The following TSC22D3 variants were observed in gnomAD, a reference collection of about 807,000 sequenced individuals.
TSC22D3 encodes TSC22 domain family protein 3.
In TSC22D3, 4 loss-of-function variants were observed where a neutral mutation model predicts 11.1. That is an observed-to-expected ratio of 0.36 (90% CI 0.18 to 0.83). The LOEUF is 0.83. TSC22D3 is among the 40% of genes least tolerant of loss of function. The pLI is 0.48. For synonymous variants in TSC22D3, 77 were observed against 70.3 expected (o/e 1.10, Z -0.48); for missense variants, 118 against 159.4 (o/e 0.74, Z 1.40).
chrX:107,772,343 G>A, intron 1 of TSC22D3, among the ~76,000 whole-genome samples: 2 of 111,676 alleles, frequency 1.8e-5, no homozygotes, highest in Middle Eastern at 4.6e-3. Flanking sequence ...TTGAATAGAA[G>A]TAAAAACGAT....
chrX:107,767,975 T>C (rs1929743979), intron 1 of TSC22D3, among the ~76,000 whole-genome samples: 1 of 112,459 alleles, frequency 8.9e-6, no homozygotes, highest in Admixed American at 9.4e-5. Context: ...AATGAACCCA[T>C]GTTTTAGTCT....
intron 1 of TSC22D3, among the ~76,000 whole-genome samples, chrX:107,742,509 C>T (rs1453236346): frequency 9.0e-6 from 1 of 111,124 alleles, no homozygotes; most frequent in East Asian, 2.9e-4. Context: ...CTCCTTTCAG[C>T]TCACTAATGC....
At chrX:107,756,757 C>T (rs575597039) in intron 1 of TSC22D3, among the ~76,000 whole-genome samples, 5 of 112,678 alleles carry the variant, frequency 4.4e-5, no homozygotes, top group Non-Finnish European at 7.5e-5. Flanking sequence ...CGAGCTATTT[C>T]CCTTGCCGAG....
intron 1 of TSC22D3, among the ~76,000 whole-genome samples, chrX:107,766,075 G>A (rs772461185): frequency 3.6e-5 from 4 of 112,442 alleles, no homozygotes; most frequent in East Asian, 5.6e-4. Context: ...GGCAACACAC[G>A]TGAGACAGGC....
chrX:107,720,049 T>C (rs1284676650), intron 1 of TSC22D3, among the ~76,000 whole-genome samples: 1 of 110,298 alleles, frequency 9.1e-6, no homozygotes, highest in African/African-American at 3.3e-5. Flanking sequence ...AAGTATGGAG[T>C]CTTGGCAGCA....
chrX:107,757,300 C>T (rs950559357), intron 1 of TSC22D3, among the ~76,000 whole-genome samples: 6 of 111,615 alleles, frequency 5.4e-5, no homozygotes, highest in South Asian at 3.8e-4. Flanking sequence ...CCCCACTCCC[C>T]GGTCTAATGT....
intron 1 of TSC22D3, among the ~76,000 whole-genome samples, chrX:107,718,075 AG>A (rs1399262236): frequency 8.9e-6 from 1 of 112,297 alleles, no homozygotes; most frequent in African/African-American, 3.2e-5. Flanking sequence ...GAGGTACTTC[AG>A]GAAAAACAGA....
intron 1 of TSC22D3, among the ~76,000 whole-genome samples, chrX:107,721,608 G>A (rs73525025): frequency 0.073 from 8,195 of 111,992 alleles, 714 homozygotes; most frequent in African/African-American, 0.25. Context: ...CCACCCAAAG[G>A]TTCGGCAATG....
chrX:107,761,874 C>G (rs1929449442), intron 1 of TSC22D3, among the ~76,000 whole-genome samples: 1 of 112,263 alleles, frequency 8.9e-6, no homozygotes, highest in Non-Finnish European at 1.9e-5. Context: ...AAGAATCACT[C>G]ACAGCGGGGC....
intron 1 of TSC22D3, among the ~76,000 whole-genome samples, chrX:107,724,532 C>T (rs995427013): frequency 1.8e-5 from 2 of 113,458 alleles, no homozygotes; most frequent in Non-Finnish European, 3.7e-5. Flanking sequence ...CGCCCCCCTT[C>T]CCCTATGTTG....
At chrX:107,749,238 G>A (rs893228637) in intron 1 of TSC22D3, among the ~76,000 whole-genome samples, 12 of 108,704 alleles carry the variant, frequency 1.1e-4, no homozygotes, top group African/African-American at 2.4e-4. Context: ...TTAGCCGGGC[G>A]TAGTGGTAGG....
chrX:107,739,911 C>T (rs182171723), intron 1 of TSC22D3, among the ~76,000 whole-genome samples: 89 of 112,275 alleles, frequency 7.9e-4, no homozygotes, highest in Non-Finnish European at 1.3e-3. Context: ...GGTGTGTGAT[C>T]GACACGATTG....
chrX:107,774,328 C>T (rs1432115473), intron 1 of TSC22D3, among the ~76,000 whole-genome samples: 1 of 110,960 alleles, frequency 9.0e-6, no homozygotes, highest in Non-Finnish European at 1.9e-5. Flanking sequence ...TTTTTTCCCT[C>T]CCTTGTCCTC....
rs188243199 is a variant in TSC22D3, at chrX:107,731,285, T to C, written c.321-15335A>G. ...TACAGGGATGAATACTACGCTCTTA[T>C]GCTTGTGCCGTATTCTTCCAGAGCA... On this transcript the variant is annotated intron_variant, in intron 1 of 2. Coordinates refer to ENST00000372383, the MANE Select transcript of TSC22D3 (RefSeq NM_198057.3). Among the ~76,000 whole-genome samples the C allele has an allele frequency of 1.7e-3, 193 of 111,819 alleles. 2 individuals are homozygous for C. The highest frequency in any genetic ancestry group is 2.9e-3 in the Non-Finnish European group (152 of 53,220).
At chrX:107,724,264 C>A (rs1225410975) in intron 1 of TSC22D3, among the ~76,000 whole-genome samples, 1 of 112,602 alleles carries the variant, frequency 8.9e-6, no homozygotes, top group Non-Finnish European at 1.9e-5. Flanking sequence ...ATTGCCAGAA[C>A]AGAAAGAAAA....
chrX:107,737,991 TACG>T (rs1350599627), intron 1 of TSC22D3, among the ~76,000 whole-genome samples: 1 of 112,198 alleles, frequency 8.9e-6, no homozygotes, highest in Non-Finnish European at 1.9e-5. Context: ...TATGAACTCC[TACG>T]ACCAGGAACA....
chrX:107,715,935 G>A lies in TSC22D3; in HGVS notation c.336C>T (p.Ser112=). ...LLFFHSASGA[S]VVAIDNKIEQ... is the part of the protein sequence containing the mutation. ...CGATCTTGTTGTCTATGGCCACCAC[G>A]CTGGCTCCGGAGGCACTGCCAAGAC... The change falls in exon 2 of 3, where the codon AGC becomes AGT. Residue 112 remains serine, a synonymous_variant. Transcript: ENST00000372383. 8.3e-7 allele frequency: 1 copy of A among 1,210,978 alleles called. No homozygotes were observed.
At chrX:107,773,831 C>T (rs758369032) in intron 1 of TSC22D3, among the ~76,000 whole-genome samples, 1 of 111,795 alleles carries the variant, frequency 8.9e-6, no homozygotes, top group Non-Finnish European at 1.9e-5. Flanking sequence ...CTGCTCTTAG[C>T]ATTAAGTGAG....
intron 2 of TSC22D3, among the ~76,000 whole-genome samples, 153 bp from the exon 3 acceptor site, chrX:107,714,902 G>C (rs1038423174): frequency 1.8e-5 from 2 of 111,735 alleles, no homozygotes; most frequent in Admixed American, 9.4e-5. Context: ...CCAATTCCTC[G>C]TTCACCTTTC....
Sources: allele counts gnomAD v4.1 joint callset (sites outside exome capture counted in the v4.1 genomes callset), GRCh38; gene constraint gnomAD v4.1.1; transcripts MANE v1.5; gene names NCBI Gene and HGNC (gene_info 2026-07-23, HGNC 2026-07-21).